The following MYH10 variants were observed in gnomAD, a reference collection of about 807,000 sequenced individuals.
MYH10 encodes myosin-10.
MYH10 carries 55 observed loss-of-function variants against 257.8 expected under a neutral mutation model. The ratio of observed to expected loss-of-function variants is 0.21; its 90% CI spans 0.17 to 0.27. The LOEUF (loss-of-function observed/expected upper bound fraction) is 0.27. Ranked by LOEUF, MYH10 falls within the 10% of genes least tolerant of loss-of-function variation. The pLI, the probability that MYH10 is intolerant of heterozygous loss-of-function variation, is 1.00. For synonymous variants in MYH10, 854 were observed against 921.7 expected (o/e 0.93, Z 1.33); for missense variants, 1,631 against 2,500.6 (o/e 0.65, Z 7.42).
intron 2 of MYH10, among the ~76,000 whole-genome samples, chr17:8,610,239 C>T (rs2084974560): frequency 8.2e-6 from 1 of 121,314 alleles, no homozygotes; most frequent in South Asian, 2.7e-4. Context: ...GGATTTTTCT[C>T]CTTCCAGTTT....
At chr17:8,494,154 G>A (rs1055740978) in intron 31 of MYH10, among the ~76,000 whole-genome samples, 3 of 152,050 alleles carry the variant, frequency 2.0e-5, no homozygotes. Context: ...CATCCCCGAG[G>A]CCTCCCCTCC....
chr17:8,502,229 G>GA, intron 28 of MYH10, among the ~76,000 whole-genome samples: 1 of 152,286 alleles, frequency 6.6e-6, no homozygotes, highest in South Asian at 2.1e-4. Context: ...GGGGCTGGCT[G>GA]AGAGATCCCT....
At chr17:8,589,615 T>C (rs554053801) in intron 3 of MYH10, among the ~76,000 whole-genome samples, 2 of 152,084 alleles carry the variant, frequency 1.3e-5, no homozygotes, top group South Asian at 4.2e-4. Flanking sequence ...GCTAATGTCA[T>C]CTTAAAGGAG....
At chr17:8,600,858 C>G (rs1420616195) in intron 3 of MYH10, among the ~76,000 whole-genome samples, 1 of 151,960 alleles carries the variant, frequency 6.6e-6, no homozygotes, top group African/African-American at 2.4e-5. Flanking sequence ...GGACTCATAC[C>G]CCGTATGTGG....
rs773249364 is a variant in MYH10 at position 8,490,261 on chromosome 17, G to A, written c.4884+79C>T. The A allele has an allele frequency of 6.4e-6, 8 of 1,252,840 alleles. No homozygotes were observed. Among genetic ancestry groups the A allele is most frequent in the Admixed American group, 3.4e-5 (2 of 59,054 alleles). The allele number at this position is 1,252,840 out of a possible 1,614,324, so 77.6% of individuals were successfully genotyped here. A position where few individuals can be genotyped will look rare whatever the true frequency, so the allele number is the denominator to read the frequency against. ...TGTTTACTCAGATGTGTTCTAACAC[G>A]AATGAACAGGATACTGACCCAGAGC... On this transcript the variant is annotated intron_variant, in intron 35 of 42. Coordinates refer to ENST00000360416, the MANE Select transcript of MYH10 (RefSeq NM_001256012.3). The surrounding 1 kb of genome is among the most constrained non-coding windows in gnomAD (Gnocchi z 4.1).
Position 8,506,403 on chromosome 17 carries a change from G to A in MYH10, c.3301C>T (p.Gln1101Ter). ...ATCTGCGCCTGCAGCTCTGCGATCT[G>A]GTCCTGCAGGTCGGTCGTCTCCCCG... ...LDGETTDLQD[Q>*]IAELQAQIDE... The change falls in exon 27 of 43, where the codon CAG (glutamine) becomes TAG (stop). Residue 1101 changes from glutamine (Q) to a stop codon, truncating the protein, a stop_gained. Transcript: ENST00000360416. LOFTEE classifies it high-confidence loss of function. The surrounding 1 kb of genome is among the most constrained non-coding windows in gnomAD (Gnocchi z 5.0). 1 of 1,612,262 alleles carries A rather than the reference G, an allele frequency of 6.2e-7. No homozygotes were observed. The highest frequency in any genetic ancestry group is 8.5e-7 in the Non-Finnish European group (1 of 1,179,438).
At chr17:8,578,032 A>T (rs1222867169) in intron 4 of MYH10, among the ~76,000 whole-genome samples, 1 of 152,140 alleles carries the variant, frequency 6.6e-6, no homozygotes, top group Non-Finnish European at 1.5e-5. Flanking sequence ...ATATGATTTA[A>T]TCTGAAGCAG....
intron 9 of MYH10, 92 bp from the exon 10 acceptor site, chr17:8,548,879 G>A: frequency 9.0e-7 from 1 of 1,115,822 alleles, no homozygotes; most frequent in Non-Finnish European, 1.3e-6. Context: ...TGTCACAGGA[G>A]AGCAGTGGTC....
At chr17:8,554,885 G>A (rs1338551612) in intron 7 of MYH10, among the ~76,000 whole-genome samples, 2 of 152,206 alleles carry the variant, frequency 1.3e-5, no homozygotes, top group African/African-American at 2.4e-5. Context: ...CCCAGGAGGC[G>A]GAGGTTGCAG....
chr17:8,606,060 T>G (rs2084790315), intron 2 of MYH10, among the ~76,000 whole-genome samples: 1 of 152,200 alleles, frequency 6.6e-6, no homozygotes, highest in Non-Finnish European at 1.5e-5. Context: ...TAATAAAGAT[T>G]TAAAATGTAT....
chr17:8,484,586 A>G (rs899355994), intron 36 of MYH10, among the ~76,000 whole-genome samples: 1 of 152,252 alleles, frequency 6.6e-6, no homozygotes, highest in Non-Finnish European at 1.5e-5. Flanking sequence ...AATCTTCAAC[A>G]GAATAGTAGC....
intron 17 of MYH10, among the ~76,000 whole-genome samples, chr17:8,529,453 C>T (rs2081953490): frequency 6.6e-6 from 1 of 152,200 alleles, no homozygotes; most frequent in Non-Finnish European, 1.5e-5. Flanking sequence ...TAATAAAGCA[C>T]AAGTCCCAGG....
chr17:8,620,735 G>A (rs372691196), intron 2 of MYH10, among the ~76,000 whole-genome samples: 123 of 152,134 alleles, frequency 8.1e-4, no homozygotes, highest in Middle Eastern at 6.8e-3. Context: ...TCCTCTTAAC[G>A]ACACAGACTT....
chr17:8,613,601 G>A (rs754515131), intron 2 of MYH10, among the ~76,000 whole-genome samples: 5 of 152,032 alleles, frequency 3.3e-5, no homozygotes, highest in Admixed American at 6.6e-5. Context: ...CAGCTAACAC[G>A]AGGTGAAAAG....
In MYH10 at chr17:8,596,623, T is replaced by C. The variant is rs2084381238; in HGVS notation, c.503-7515A>G. On this transcript the variant is annotated intron_variant, in intron 3 of 42. Coordinates refer to ENST00000360416, the MANE Select transcript of MYH10 (RefSeq NM_001256012.3). ...AGCAACCTTATTCTTAAAATGCTTA[T>C]TCTTAAAAGGGAGGGGGAGTAGGAG... Among the ~76,000 whole-genome samples the C allele has an allele frequency of 2.2e-5, 3 of 139,384 alleles. No homozygotes were observed. In the South Asian group the frequency reaches 7.1e-4, roughly 33 times the overall value. 91.4% of individuals were successfully genotyped at this position (139,384 alleles called of 152,430 possible).
chr17:8,507,296 C>T (rs1161009926), intron 26 of MYH10, among the ~76,000 whole-genome samples: 1 of 152,204 alleles, frequency 6.6e-6, no homozygotes, highest in African/African-American at 2.4e-5. Context: ...TTTTAAAAGC[C>T]AACCCCATCG....
intron 7 of MYH10, among the ~76,000 whole-genome samples, chr17:8,563,457 C>A (rs1597837764): frequency 6.6e-6 from 1 of 152,136 alleles, no homozygotes; most frequent in African/African-American, 2.4e-5. Flanking sequence ...TAGACCCTCC[C>A]CAATCCGGGG....
At chr17:8,607,185 T>C (rs1401770336) in intron 2 of MYH10, among the ~76,000 whole-genome samples, 1 of 152,176 alleles carries the variant, frequency 6.6e-6, no homozygotes, top group Non-Finnish European at 1.5e-5. Context: ...AAAAATGAGA[T>C]CACAGTCTAT....
chr17:8,484,290 G>C, intron 36 of MYH10, 24 bp from the exon 37 acceptor site: 1 of 1,592,300 alleles, frequency 6.3e-7, no homozygotes, highest in Non-Finnish European at 8.5e-7. Flanking sequence ...AGAAGGTTTT[G>C]GGGTGGTTTA....
Sources: gnomAD v4.1 joint callset for allele counts (sites outside exome capture counted in the v4.1 genomes callset) on GRCh38, gnomAD v4.1.1 for gene constraint, Gnocchi (gnomAD v3.1) non-coding constraint, MANE v1.5 for transcripts, NCBI Gene and HGNC (gene_info 2026-07-23, HGNC 2026-07-21) for gene names.